CABCOCO1: variants seen among roughly 807,000 people sequenced by gnomAD.
The protein encoded by CABCOCO1 is ciliary-associated calcium-binding coiled-coil protein 1.
CABCOCO1 carries 28 observed loss-of-function variants against 35.7 expected under a neutral mutation model. The observed-to-expected ratio is 0.78, with a 90% CI of 0.58 to 1.07. CABCOCO1 has a LOEUF of 1.07. CABCOCO1 is among the 50% of genes least tolerant of loss of function. CABCOCO1 has a pLI of 0.00. For synonymous variants in CABCOCO1, 95 were observed against 100.1 expected (o/e 0.95, Z 0.30); for missense variants, 326 against 309.2 (o/e 1.05, Z -0.41).
At chr10:61,703,433 C>G (rs1406122646) in intron 5 of CABCOCO1, among the ~76,000 whole-genome samples, 1 of 151,964 alleles carries the variant, frequency 6.6e-6, no homozygotes, top group African/African-American at 2.4e-5. Context: ...CAAATGAACC[C>G]AGTTATTTTG....
intron 5 of CABCOCO1, among the ~76,000 whole-genome samples, chr10:61,698,425 G>A (rs145993335): frequency 7.9e-5 from 12 of 152,128 alleles, no homozygotes; most frequent in East Asian, 1.9e-4. Flanking sequence ...TTTTGAAAGC[G>A]GTTCTGTAGC....
intron 5 of CABCOCO1, among the ~76,000 whole-genome samples, chr10:61,718,959 A>C (rs1840933225): frequency 6.6e-6 from 1 of 152,214 alleles, no homozygotes; most frequent in South Asian, 2.1e-4. Flanking sequence ...AAATTGTCAA[A>C]TGAAAAGCTT....
At chr10:61,702,929 GA>G (rs969211084) in intron 5 of CABCOCO1, among the ~76,000 whole-genome samples, 22 of 145,664 alleles carry the variant, frequency 1.5e-4, no homozygotes, top group African/African-American at 4.0e-4. Context: ...AAAAAAACAG[GA>G]AAAAAAAAAC....
At chr10:61,759,968 T>C in intron 5 of CABCOCO1, 91 bp from the exon 6 acceptor site, 1 of 1,473,552 alleles carries the variant, frequency 6.8e-7, no homozygotes, top group Non-Finnish European at 9.1e-7. Context: ...ATAACAGACT[T>C]GGAACTATGG....
chr10:61,740,256 T>C lies in CABCOCO1; in HGVS notation c.553-19803T>C, dbSNP rs1283578882. Among the ~76,000 whole-genome samples the C allele has an allele frequency of 2.6e-5, 4 of 152,306 alleles. No homozygotes were observed. The East Asian group carries it at 7.7e-4, about 29-fold the overall frequency. Reference sequence around the variant, plus strand: ...ACTGGGAGAGGGAACTCTTGTATAATAATCTATCGCCATCTTTGTATAGAT... The same window carrying C: ...ACTGGGAGAGGGAACTCTTGTATAACAATCTATCGCCATCTTTGTATAGAT... On this transcript the variant is annotated intron_variant, in intron 5 of 7. Coordinates refer to ENST00000648843, the MANE Select transcript of CABCOCO1 (RefSeq NM_001366906.2).
chr10:61,671,304 G>A (rs553193944), intron 1 of CABCOCO1, among the ~76,000 whole-genome samples: 1 of 151,738 alleles, frequency 6.6e-6, no homozygotes, highest in East Asian at 1.9e-4. Context: ...CAGCCTGGGT[G>A]ACAGAGTGAG....
At chr10:61,672,887 C>T (rs1455886377) in intron 2 of CABCOCO1, among the ~76,000 whole-genome samples, 152 bp downstream of exon 2, 1 of 152,168 alleles carries the variant, frequency 6.6e-6, no homozygotes, top group East Asian at 1.9e-4. Flanking sequence ...CAAAAATTCT[C>T]AAGTAACTGA....
chr10:61,701,634 G>T (rs1840462022), intron 5 of CABCOCO1: 1 of 984,952 alleles, frequency 1.0e-6, no homozygotes, highest in African/African-American at 1.7e-5. Context: ...CAAACCCGCA[G>T]AATCCATTAA....
At position 61,689,738 on chromosome 10, in the gene CABCOCO1, G is replaced by A. The variant is rs376619536; in HGVS notation, c.480-811G>A. ...GTTCTTGGGCATTTTGCTGTATTAT[G>A]AGTCTATTAATTTTCTCAACCAGCA... On this transcript the variant is annotated intron_variant, in intron 4 of 7. Transcript: ENST00000648843. Among the ~76,000 whole-genome samples the A allele has an allele frequency of 3.0e-4, 45 of 152,264 alleles. 1 individual carries two copies. Among genetic ancestry groups the A allele is most frequent in the African/African-American group, 9.9e-4 (41 of 41,568 alleles).
intron 5 of CABCOCO1, among the ~76,000 whole-genome samples, chr10:61,734,901 T>C (rs1368151893): frequency 1.3e-5 from 2 of 152,186 alleles, no homozygotes; most frequent in East Asian, 1.9e-4. Context: ...ATGGCTTAAT[T>C]TGTGAGACCA....
chr10:61,727,580 T>C (rs1841188759), intron 5 of CABCOCO1, among the ~76,000 whole-genome samples: 1 of 152,108 alleles, frequency 6.6e-6, no homozygotes, highest in South Asian at 2.1e-4. Context: ...AGCAGAAACT[T>C]GGTTAAGAAA....
intron 5 of CABCOCO1, among the ~76,000 whole-genome samples, chr10:61,753,153 T>C (rs528409847): frequency 6.6e-6 from 1 of 152,284 alleles, no homozygotes; most frequent in South Asian, 2.1e-4. Context: ...TAAGCTGTCA[T>C]AATATGTAAT....
At chr10:61,760,290 C>A in intron 6 of CABCOCO1, 109 bp downstream of exon 6, 1 of 1,374,738 alleles carries the variant, frequency 7.3e-7, no homozygotes, top group African/African-American at 1.5e-5. Flanking sequence ...CTGATTTTTC[C>A]CAACCAAATA....
chr10:61,701,714 G>A, intron 5 of CABCOCO1: 1 of 984,944 alleles, frequency 1.0e-6, no homozygotes, highest in Non-Finnish European at 1.2e-6. Context: ...CATGCCTAAA[G>A]TAAACTGTAT....
chr10:61,669,659 G>GATT (rs1839299240), intron 1 of CABCOCO1, among the ~76,000 whole-genome samples: 1 of 152,138 alleles, frequency 6.6e-6, no homozygotes, highest in East Asian at 1.9e-4. Flanking sequence ...CCTAAAAGAT[G>GATT]ATTATATTAA....
intron 4 of CABCOCO1, 64 bp downstream of exon 4, chr10:61,686,249 TA>T: frequency 7.3e-7 from 1 of 1,370,144 alleles, no homozygotes. Context: ...GTCTGTTAAG[TA>T]AAAAGTAATT....
intron 2 of CABCOCO1, among the ~76,000 whole-genome samples, chr10:61,675,142 A>T (rs1029293577): frequency 6.6e-6 from 1 of 152,010 alleles, no homozygotes; most frequent in African/African-American, 2.4e-5. Context: ...CACTATACCA[A>T]ACTTCCTAAA....
intron 4 of CABCOCO1, among the ~76,000 whole-genome samples, chr10:61,687,422 A>G (rs1014984396): frequency 1.3e-5 from 2 of 152,204 alleles, no homozygotes; most frequent in Non-Finnish European, 1.5e-5. Context: ...TTGTATTAGC[A>G]TCCTTATTTT....
At chr10:61,690,264 A>G (rs1840095909) in intron 4 of CABCOCO1, among the ~76,000 whole-genome samples, 1 of 152,128 alleles carries the variant, frequency 6.6e-6, no homozygotes, top group South Asian at 2.1e-4. Flanking sequence ...TCAAGATGCC[A>G]TCTAATTTCT....
Sources: gnomAD v4.1 joint callset for allele counts (sites outside exome capture counted in the v4.1 genomes callset) on GRCh38, gnomAD v4.1.1 for gene constraint, MANE v1.5 for transcripts, NCBI Gene and HGNC (gene_info 2026-07-23, HGNC 2026-07-21) for gene names.